CYP24A1: variants seen among roughly 807,000 people sequenced by gnomAD.
CYP24A1 encodes the protein cytochrome P450 family 24 subfamily A member 1.
In CYP24A1, 68 loss-of-function variants were observed where a neutral mutation model predicts 62.4. The ratio of observed to expected loss-of-function variants is 1.09; its 90% CI spans 0.90 to 1.33. The LOEUF (loss-of-function observed/expected upper bound fraction) is 1.33. Among genes scored for constraint, CYP24A1 ranks in the 40% most tolerant of loss-of-function variants. The pLI is 0.00. For synonymous variants in CYP24A1, 267 were observed against 253.0 expected (o/e 1.06, Z -0.52); for missense variants, 787 against 653.0 (o/e 1.21, Z -2.24).
Position 54,159,143 on chromosome 20 carries a change from A to C in CYP24A1, c.991-20T>G, listed in dbSNP as rs1221274303. The C allele has an allele frequency of 1.2e-6, 2 of 1,605,594 alleles. No individual in the cohort carries two copies. The highest frequency in any genetic ancestry group is 1.7e-6 in the Non-Finnish European group (2 of 1,172,296). ...TGCTGTCTGCAAGCCAAATGGACAT[A>C]AACTTGAGTTTTTGTAAATAACTGC... On this transcript the variant is annotated intron_variant, in intron 7 of 11. Transcript: ENST00000216862.
At chr20:54,147,473 C>G in the CYP24A1 span, among the ~76,000 whole-genome samples, 1 of 152,150 alleles carries the variant, frequency 6.6e-6, no homozygotes, top group Non-Finnish European at 1.5e-5. Flanking sequence ...AGGCCCTGCC[C>G]CAGAAAGGAT....
rs1187429081 is a variant in CYP24A1, at chr20:54,153,824, A to G, written c.*948T>C. The G allele has an allele frequency of 6.6e-6, 1 of 152,670 alleles. No homozygotes were observed. Among genetic ancestry groups the G allele is most frequent in the Non-Finnish European group, 1.5e-5 (1 of 68,034 alleles). The allele number at this position is 152,670 out of a possible 1,614,324, so 9.5% of individuals were successfully genotyped here. A position where few individuals can be genotyped will look rare whatever the true frequency, so the allele number is the denominator to read the frequency against. ...TTCCTAGGAGTTCAAATCACAAAAC[A>G]AATGTTATATAACAGATCTCTAACT... On this transcript the variant is annotated 3_prime_UTR_variant, in exon 12 of 12. Transcript: ENST00000216862.
At chr20:54,169,540 AT>A in intron 4 of CYP24A1, 51 bp downstream of exon 4, 2 of 1,613,262 alleles carry the variant, frequency 1.2e-6, no homozygotes, top group Non-Finnish European at 1.7e-6. Flanking sequence ...GCCATGTTTT[AT>A]CCGCAAAATC....
chr20:54,146,808 A>G, the CYP24A1 span, among the ~76,000 whole-genome samples: 1 of 152,208 alleles, frequency 6.6e-6, no homozygotes, highest in Non-Finnish European at 1.5e-5. Flanking sequence ...CTACTTGAGA[A>G]GCTCAGGTGC....
chr20:54,165,549 C>T (rs1023959699), intron 5 of CYP24A1, among the ~76,000 whole-genome samples, 193 bp downstream of exon 5: 4 of 152,152 alleles, frequency 2.6e-5, no homozygotes, highest in African/African-American at 9.7e-5. Flanking sequence ...GTCCCTGGTG[C>T]CAAAAAGGTT....
chr20:54,157,210 C>T lies in CYP24A1; in HGVS notation c.1514G>A (p.Arg505Gln), dbSNP rs146980218. Residue 505 changes from arginine (R) to glutamine (Q), a missense_variant, in exon 11 of 12, where the codon CGG becomes CAG. Physicochemically the swap from Arg to Gln is conservative, Grantham distance 43. Coordinates refer to ENST00000216862, the MANE Select transcript of CYP24A1 (RefSeq NM_000782.5). The stretch of plus-strand genomic sequence containing the variant: ...CTGGCAAAACGCGATGGGGAGTTCC[C>T]GGCTGGGCACCAGGGTGCCTGAGTG... ...MLHSGTLVPS[R>Q]ELPIAFCQR 9.3e-6 allele frequency: 15 copies of T among 1,611,242 alleles called. No homozygotes were observed. The highest frequency in any genetic ancestry group is 3.3e-5 in the Admixed American group (2 of 59,992).
rs8125017 is a variant in CYP24A1, at chr20:54,167,591, G to A, written c.641-1758C>T. 8.6e-3 allele frequency among the ~76,000 whole-genome samples: 1,316 copies of A among 152,228 alleles called. 26 individuals are homozygous for A. The highest frequency in any genetic ancestry group is 0.03 in the African/African-American group (1,256 of 41,536). ...GTTCGAGACCAGCCTGGGCAACATG[G>A]TGAAACCCCATCTGTACTAAAAAAC... On this transcript the variant is annotated intron_variant, in intron 4 of 11. Transcript: ENST00000216862.
intron 3 of CYP24A1, among the ~76,000 whole-genome samples, chr20:54,170,145 G>A (rs2092689057): frequency 6.6e-6 from 1 of 152,150 alleles, no homozygotes; most frequent in Admixed American, 6.5e-5. Context: ...TAAGCATGTT[G>A]AACTTGGAAC....
chr20:54,143,831 C>CA, the CYP24A1 span, among the ~76,000 whole-genome samples: 18,511 of 147,782 alleles, frequency 0.13, 1,860 homozygotes, highest in East Asian at 0.29. Context: ...ATACAGACAG[C>CA]AAAAAAAAAA....
chr20:54,148,969 T>C (rs2092608610), downstream of CYP24A1, among the ~76,000 whole-genome samples: 1 of 152,164 alleles, frequency 6.6e-6, no homozygotes, highest in South Asian at 2.1e-4. Flanking sequence ...TTTATATGCA[T>C]TTCTGTGATT....
chr20:54,157,355 G>T (rs1450781324), intron 10 of CYP24A1, 33 bp downstream of exon 10: 1 of 1,501,242 alleles, frequency 6.7e-7, no homozygotes, highest in Non-Finnish European at 9.3e-7. Context: ...AAACAGCACA[G>T]AACATAATTG....
chr20:54,157,736 T>A, intron 9 of CYP24A1, 151 bp from the exon 10 acceptor site: 1 of 716,484 alleles, frequency 1.4e-6, no homozygotes, highest in Non-Finnish European at 2.5e-6. Flanking sequence ...GTGCTTAAAA[T>A]GTGCCAGGTA....
In CYP24A1 at chr20:54,165,809, TTC is replaced by T; in HGVS notation, c.663_664del (p.Lys222GlufsTer12). The stretch of plus-strand genomic sequence containing the variant: ...ATTCTTCTGGAGAAGCCCAAATCTC[TTC>T]TCATACAACACGAGGCAGATACCTG... On this transcript the variant is annotated frameshift_variant, in exon 5 of 12. Transcript: ENST00000216862. LOFTEE classifies it high-confidence loss of function. 6.7e-7 allele frequency: 1 copy of T among 1,485,138 alleles called. No homozygotes were observed. 92.0% of individuals were successfully genotyped at this position (1,485,138 alleles called of 1,614,324 possible).
Position 54,157,588 on chromosome 20 carries a change from A to G in CYP24A1, c.1237-3T>C. 1 of 1,515,702 alleles carries G rather than the reference A, an allele frequency of 6.6e-7. No homozygotes were observed. 93.9% of individuals were successfully genotyped at this position (1,515,702 alleles called of 1,614,324 possible). On this transcript the variant is annotated splice_polypyrimidine_tract_variant and splice_region_variant and intron_variant, in intron 9 of 11. Transcript: ENST00000216862. ...TGGGTATTTAGCATGAGCACTGTCT[A>G]AACACATGCAGAGACACATAGTATT...
At chr20:54,168,853 T>C (rs2092683196) in intron 4 of CYP24A1, among the ~76,000 whole-genome samples, 4 of 35,250 alleles carry the variant, frequency 1.1e-4, no homozygotes, top group Non-Finnish European at 1.7e-4. Context: ...CCTTCTTCCT[T>C]CCTTCCTTCC....
chr20:54,168,735 C>A (rs1363729692), intron 4 of CYP24A1, among the ~76,000 whole-genome samples: 1 of 133,876 alleles, frequency 7.5e-6, no homozygotes, highest in Admixed American at 7.8e-5. Context: ...TTTTCTTTTC[C>A]TTCCCTCCTT....
Position 54,162,234 on chromosome 20 carries a change from T to G in CYP24A1, c.990+483A>C, listed in dbSNP as rs993065485. On this transcript the variant is annotated intron_variant, in intron 7 of 11. Coordinates refer to ENST00000216862, the MANE Select transcript of CYP24A1 (RefSeq NM_000782.5). ...AGAGAGTATGCCTTTTTTTTTTTTT[T>G]TTTTTTTTTTTTTTTTTTTTACAGT... 9.1e-3 allele frequency among the ~76,000 whole-genome samples: 1,205 copies of G among 132,038 alleles called. 14 individuals carry two copies. The highest frequency in any genetic ancestry group is 0.016 in the Non-Finnish European group (889 of 57,344). 86.6% of individuals were successfully genotyped at this position (132,038 alleles called of 152,430 possible). A position where few individuals can be genotyped will look rare whatever the true frequency, so the allele number is the denominator to read the frequency against.
rs554716456 is a variant in CYP24A1, at chr20:54,154,251, A to C, written c.*521T>G. 1.3e-5 allele frequency: 2 copies of C among 152,354 alleles called. No individual in the cohort carries two copies. The highest frequency in any genetic ancestry group is 4.1e-4 in the South Asian group (2 of 4,830). The allele number at this position is 152,354 out of a possible 1,614,324, so 9.4% of individuals were successfully genotyped here. A position where few individuals can be genotyped will look rare whatever the true frequency, so the allele number is the denominator to read the frequency against. On this transcript the variant is annotated 3_prime_UTR_variant, in exon 12 of 12. Transcript: ENST00000216862. ...TCTTATAAGTTGTTTGACTTCGTTA[A>C]AGTCCTTTTAAAAATAGAGGTGTTC... is the stretch of plus-strand genomic sequence containing the variant.
intron 4 of CYP24A1, among the ~76,000 whole-genome samples, chr20:54,168,387 C>T (rs1323923940): frequency 6.6e-6 from 1 of 152,178 alleles, no homozygotes; most frequent in Non-Finnish European, 1.5e-5. Flanking sequence ...GACCTATGAG[C>T]TGTGCCCTGT....
Sources: gnomAD v4.1 joint callset for allele counts (sites outside exome capture counted in the v4.1 genomes callset) on GRCh38, gnomAD v4.1.1 for gene constraint, MANE v1.5 for transcripts, NCBI Gene and HGNC (gene_info 2026-07-23, HGNC 2026-07-21) for gene names.